Variants in NAALADL2 observed in about 807,000 individuals in gnomAD.
NAALADL2 encodes inactive N-acetylated-alpha-linked acidic dipeptidase-like protein 2.
Under a neutral mutation model 87.2 loss-of-function variants are expected in NAALADL2, and 76 were observed. The ratio of observed to expected loss-of-function variants is 0.87; its 90% CI spans 0.72 to 1.05. The LOEUF (loss-of-function observed/expected upper bound fraction) is 1.05, where lower values mean the gene tolerates loss of function less well. Among genes scored for constraint, NAALADL2 ranks in the 50% least tolerant of loss-of-function variants. The pLI is 0.00. For synonymous variants in NAALADL2, 354 were observed against 331.0 expected (o/e 1.07, Z -0.75); for missense variants, 1,089 against 945.8 (o/e 1.15, Z -1.99).
At chr3:175,094,452 C>T (rs1181174424) in intron 1 of NAALADL2, among the ~76,000 whole-genome samples, 1 of 151,934 alleles carries the variant, frequency 6.6e-6, no homozygotes, top group Non-Finnish European at 1.5e-5. Flanking sequence ...ATTCTTTAAA[C>T]CCAGTGAGAT....
chr3:174,909,428 A>G (rs200344248), intron 1 of NAALADL2, among the ~76,000 whole-genome samples: 1 of 152,116 alleles, frequency 6.6e-6, no homozygotes, highest in East Asian at 1.9e-4. Flanking sequence ...TATACACACC[A>G]GACACTTGTG....
At chr3:175,154,934 G>C (rs1490005913) in intron 2 of NAALADL2, among the ~76,000 whole-genome samples, 1 of 152,186 alleles carries the variant, frequency 6.6e-6, no homozygotes, top group Non-Finnish European at 1.5e-5. Context: ...AAATGGACAA[G>C]AGCAAGCTTT....
At chr3:175,547,844 C>T (rs993666700) in intron 9 of NAALADL2, among the ~76,000 whole-genome samples, 4 of 152,000 alleles carry the variant, frequency 2.6e-5, no homozygotes, top group African/African-American at 9.7e-5. Context: ...ATCAAAACCA[C>T]AGTGAAACAA....
chr3:175,534,148 T>C (rs531607223), intron 9 of NAALADL2, among the ~76,000 whole-genome samples: 56 of 152,004 alleles, frequency 3.7e-4, no homozygotes, highest in Non-Finnish European at 6.3e-4. Context: ...ATGAATCATA[T>C]TAAGCAGCCA....
chr3:174,914,022 T>G (rs1258692813), intron 1 of NAALADL2, among the ~76,000 whole-genome samples: 3 of 151,632 alleles, frequency 2.0e-5, no homozygotes, highest in Non-Finnish European at 2.9e-5. Context: ...ATTTCCAAGG[T>G]ACACCTTTTT....
chr3:175,349,318 AGAGTGAGAC>A (rs1193593424), intron 5 of NAALADL2, among the ~76,000 whole-genome samples: 2 of 152,166 alleles, frequency 1.3e-5, no homozygotes, highest in Non-Finnish European at 2.9e-5. Context: ...TGGATAAGAA[AGAGTGAGAC>A]CTACTAAACA....
chr3:175,637,356 G>A (rs1728692852), intron 11 of NAALADL2, among the ~76,000 whole-genome samples: 1 of 152,206 alleles, frequency 6.6e-6, no homozygotes, highest in African/African-American at 2.4e-5. Flanking sequence ...GTCATACATA[G>A]ACAAAAGCAA....
chr3:174,656,851 A>T (rs9832759), intron 2 of NAALADL2, among the ~76,000 whole-genome samples: 12,979 of 152,016 alleles, frequency 0.085, 1,898 homozygotes, highest in African/African-American at 0.3. Context: ...CAACATAAAT[A>T]AGGCCGGTCT....
At chr3:175,678,613 C>T (rs1296857860) in intron 11 of NAALADL2, among the ~76,000 whole-genome samples, 2 of 152,138 alleles carry the variant, frequency 1.3e-5, no homozygotes, top group East Asian at 1.9e-4. Context: ...TCTGAGCAAA[C>T]TATCGCAAGG....
intron 11 of NAALADL2, among the ~76,000 whole-genome samples, chr3:175,665,423 T>G (rs1732828974): frequency 1.3e-5 from 2 of 152,118 alleles, no homozygotes; most frequent in Non-Finnish European, 2.9e-5. Context: ...ACTTTAAATG[T>G]TTTTACTTGA....
At chr3:175,045,219 T>C (rs1003072229) in intron 1 of NAALADL2, among the ~76,000 whole-genome samples, 8 of 152,132 alleles carry the variant, frequency 5.3e-5, no homozygotes, top group Non-Finnish European at 1.2e-4. Flanking sequence ...TAAGTTTAAG[T>C]CTAACTTTCA....
chr3:175,302,045 A>G (rs1251408955), intron 4 of NAALADL2, among the ~76,000 whole-genome samples: 2 of 105,734 alleles, frequency 1.9e-5, no homozygotes, highest in African/African-American at 3.9e-5. Context: ...TGATGCAGAA[A>G]GCAGTAATCA....
rs146985917 is a variant in NAALADL2, at chr3:175,708,905, A to G, written c.1897-28401A>G. ...GCAGATATCACTGATATGAACAGAT[A>G]TCAATGGAAAACTACTCATGTACAT... On this transcript the variant is annotated intron_variant, in intron 11 of 13. Coordinates refer to ENST00000454872, the MANE Select transcript of NAALADL2 (RefSeq NM_207015.3). Among the ~76,000 whole-genome samples the G allele has an allele frequency of 7.9e-3, 1,196 of 152,178 alleles. 20 individuals carry two copies. Among genetic ancestry groups the G allele is most frequent in the African/African-American group, 0.028 (1,161 of 41,534 alleles).
chr3:174,919,587 T>C (rs866085010), intron 1 of NAALADL2, among the ~76,000 whole-genome samples: 19 of 152,296 alleles, frequency 1.2e-4, no homozygotes, highest in Middle Eastern at 3.4e-3. Flanking sequence ...TCTGAAGTTA[T>C]CTCCTCCACT....
At chr3:175,696,002 A>G (rs574105314) in intron 11 of NAALADL2, among the ~76,000 whole-genome samples, 15 of 152,264 alleles carry the variant, frequency 9.9e-5, no homozygotes, top group African/African-American at 3.6e-4. Flanking sequence ...TGCTTTTGTT[A>G]TTCCTTGATC....
At chr3:175,690,559 T>A (rs976962271) in intron 11 of NAALADL2, among the ~76,000 whole-genome samples, 4 of 152,098 alleles carry the variant, frequency 2.6e-5, no homozygotes, top group African/African-American at 9.7e-5. Context: ...GGATTCAATA[T>A]TCCTGAGTCA....
At chr3:175,783,765 A>G (rs905803485) in intron 13 of NAALADL2, among the ~76,000 whole-genome samples, 1 of 150,920 alleles carries the variant, frequency 6.6e-6, no homozygotes, top group African/African-American at 2.5e-5. Flanking sequence ...GAGACAGGGC[A>G]TCCCTGTCTT....
intron 11 of NAALADL2, among the ~76,000 whole-genome samples, chr3:175,714,198 C>T (rs771431317): frequency 2.0e-4 from 31 of 152,094 alleles, no homozygotes; most frequent in Non-Finnish European, 3.5e-4. Context: ...CATACGTGTG[C>T]ATGTGTCTTT....
At chr3:174,733,667 C>G (rs1732918501) in intron 2 of NAALADL2, among the ~76,000 whole-genome samples, 1 of 152,172 alleles carries the variant, frequency 6.6e-6, no homozygotes. Flanking sequence ...GCTTGCCACG[C>G]AGAAAGTCAA....
Sources: gnomAD v4.1 joint callset for allele counts (sites outside exome capture counted in the v4.1 genomes callset) on GRCh38, gnomAD v4.1.1 for gene constraint, MANE v1.5 for transcripts, NCBI Gene and HGNC (gene_info 2026-07-23, HGNC 2026-07-21) for gene names.